The following ANKRD11 variants were observed in gnomAD, a reference collection of about 807,000 sequenced individuals.
ANKRD11 encodes ankyrin repeat domain 11.
Under a neutral mutation model 195.7 loss-of-function variants are expected in ANKRD11, and 17 were observed. The observed-to-expected ratio is 0.09, with a 90% confidence interval of 0.06 to 0.13. The LOEUF is 0.13. Ranked by LOEUF, ANKRD11 falls within the 10% of genes least tolerant of loss-of-function variation. The pLI is 1.00. For missense variants in ANKRD11, 3,735 were observed against 3,566.1 expected, an observed-to-expected ratio of 1.05 and a Z score of -1.21; for synonymous variants, 1,953 against 1,528.1, an observed-to-expected ratio of 1.28 and a Z score of -6.49.
At chr16:89,371,408 G>A (rs778788022) in intron 2 of ANKRD11, among the ~76,000 whole-genome samples, 3 of 152,236 alleles carry the variant, frequency 2.0e-5, no homozygotes, top group African/African-American at 7.2e-5. Flanking sequence ...TCCCTGCACA[G>A]ACAGGTGTCC....
At chr16:89,455,754 G>C (rs962451981) in intron 1 of ANKRD11, among the ~76,000 whole-genome samples, 1 of 152,104 alleles carries the variant, frequency 6.6e-6, no homozygotes, top group African/African-American at 2.4e-5. Context: ...CAAAGAATTG[G>C]GGCTGTACAT....
intron 1 of ANKRD11, among the ~76,000 whole-genome samples, chr16:89,473,055 G>T (rs1406075422): frequency 6.6e-6 from 1 of 152,084 alleles, no homozygotes; most frequent in Non-Finnish European, 1.5e-5. Context: ...GCCAGGTGTG[G>T]TGGTACACAC....
In ANKRD11 at chr16:89,274,910, G is replaced by A. The variant is rs762952786; in HGVS notation, c.7617C>T (p.Cys2539=). 23 of 1,613,492 alleles carry A rather than the reference G, an allele frequency of 1.4e-5. No individual in the cohort carries two copies. The highest frequency in any genetic ancestry group is 6.7e-5 in the Admixed American group (4 of 60,012). The change falls in exon 11 of 13, where the codon TGC becomes TGT. Residue 2539 remains cysteine (C), a synonymous_variant. Coordinates refer to ENST00000301030, the MANE Select transcript of ANKRD11 (RefSeq NM_013275.6). ...GGTTGGCGATGGTCCTGGCCGCCCG[G>A]CAGTGAACCCGCAGAATCTCCTGCT... ...SCEQEILRVH[C]RAARTIANQA...
chr16:89,324,574 G>C lies in ANKRD11; in HGVS notation c.-59-7496C>G, dbSNP rs1269310980. On this transcript the variant is annotated intron_variant, in intron 2 of 12. Transcript: ENST00000301030. ...GGAGAGGCCGACGAACCCTCCATCT[G>C]GGGGGGCATGATCTCATCAGCTGCC... 7 of 452,902 alleles carry C rather than the reference G, an allele frequency of 1.5e-5. No individual in the cohort carries two copies. In the East Asian group the frequency reaches 4.2e-4, roughly 27 times the overall value. 28.1% of individuals were successfully genotyped at this position (452,902 alleles called of 1,614,324 possible).
intron 3 of ANKRD11, among the ~76,000 whole-genome samples, chr16:89,314,544 T>C (rs1007755166): frequency 2.0e-5 from 3 of 152,088 alleles, no homozygotes; most frequent in African/African-American, 7.2e-5. Flanking sequence ...TTCCGGCCTT[T>C]CTCGTCTCGT....
chr16:89,408,860 G>C (rs2042009422), intron 2 of ANKRD11, among the ~76,000 whole-genome samples: 1 of 152,214 alleles, frequency 6.6e-6, no homozygotes, highest in South Asian at 2.1e-4. Flanking sequence ...AGGAAAAAAA[G>C]AGAACATAAG....
At position 89,291,170 on chromosome 16, in the gene ANKRD11, AG is replaced by A; in HGVS notation, c.239del (p.Pro80LeufsTer44). Reference sequence around the variant, plus strand: ...GCTCCTTCTTAATCCTCTTCCGCTCAGGGCCCTGCTTCTCTGTGAGGCGGGC... The same window carrying A: ...GCTCCTTCTTAATCCTCTTCCGCTCAGGCCCTGCTTCTCTGTGAGGCGGGC... Reference protein sequence around the residue: ...QKDSDTEKQGPERKRIKKEPV... With the variant: ...QKDSDTEKQGXERKRIKKEPV... On this transcript the variant is annotated frameshift_variant, in exon 5 of 13. Transcript: ENST00000301030. LOFTEE classifies it high-confidence loss of function. This position sits in a 1 kb window ranked among gnomAD's most constrained non-coding sequence, Gnocchi z 5.3. 6.2e-7 allele frequency: 1 copy of A among 1,613,718 alleles called. No homozygotes were observed.
At chr16:89,334,522 G>A (rs986150037) in intron 2 of ANKRD11, among the ~76,000 whole-genome samples, 8 of 152,078 alleles carry the variant, frequency 5.3e-5, no homozygotes, top group Non-Finnish European at 8.8e-5. Context: ...GCAAAGTGAC[G>A]AGAAAACACC....
intron 4 of ANKRD11, among the ~76,000 whole-genome samples, chr16:89,303,764 C>A (rs965330476): frequency 3.3e-5 from 5 of 152,254 alleles, no homozygotes; most frequent in African/African-American, 1.2e-4. Context: ...GCCACACAAT[C>A]ATAAAGGCTG....
intron 2 of ANKRD11, 121 bp downstream of exon 2, chr16:89,418,163 T>G (rs1336807602): frequency 2.4e-6 from 1 of 410,980 alleles, no homozygotes; most frequent in Non-Finnish European, 5.0e-6. Flanking sequence ...TTCACAACAT[T>G]TCGACAAAAC....
At chr16:89,367,283 C>A (rs541345566) in intron 2 of ANKRD11, among the ~76,000 whole-genome samples, 1 of 152,196 alleles carries the variant, frequency 6.6e-6, no homozygotes, top group Non-Finnish European at 1.5e-5. Flanking sequence ...AGACTCCTGC[C>A]GCAGGGGCCA....
intron 4 of ANKRD11, chr16:89,301,049 G>A (rs746271383): frequency 3.5e-6 from 2 of 568,200 alleles, no homozygotes; most frequent in South Asian, 2.1e-5. Context: ...CCCCAGGGAG[G>A]CCAGGCAATG....
chr16:89,306,597 C>T (rs2036267133), intron 3 of ANKRD11, among the ~76,000 whole-genome samples: 1 of 103,724 alleles, frequency 9.6e-6, no homozygotes. Context: ...AGACACGCGC[C>T]ACCTCCCACT....
At chr16:89,482,046 C>T (rs2057461733) in intron 1 of ANKRD11, among the ~76,000 whole-genome samples, 1 of 152,142 alleles carries the variant, frequency 6.6e-6, no homozygotes, top group African/African-American at 2.4e-5. Flanking sequence ...CAACTAAATG[C>T]ATCTTTCTCC....
intron 2 of ANKRD11, among the ~76,000 whole-genome samples, chr16:89,409,850 A>T (rs552893572): frequency 1.1e-4 from 16 of 151,854 alleles, no homozygotes; most frequent in South Asian, 2.1e-4. Flanking sequence ...TTATTTATTT[A>T]TTTTTTGAGA....
chr16:89,380,117 G>T (rs753853), intron 2 of ANKRD11, among the ~76,000 whole-genome samples: 82,623 of 151,836 alleles, frequency 0.54, 22,724 homozygotes, highest in Middle Eastern at 0.75. Context: ...AATGATGCCT[G>T]TTTTTTTCTT....
chr16:89,346,736 T>C (rs1022186616), intron 2 of ANKRD11, among the ~76,000 whole-genome samples: 1 of 152,106 alleles, frequency 6.6e-6, no homozygotes, highest in Non-Finnish European at 1.5e-5. Context: ...GGTAAAGTGG[T>C]TGTTAGAGGG....
chr16:89,385,721 C>T (rs2040877916), intron 2 of ANKRD11, among the ~76,000 whole-genome samples: 1 of 152,260 alleles, frequency 6.6e-6, no homozygotes, highest in African/African-American at 2.4e-5. Context: ...GCAAAGAAAA[C>T]CCCACTCAGC....
In ANKRD11 at chr16:89,284,362, T is replaced by A. The variant is rs1239243363; in HGVS notation, c.2180A>T (p.Asp727Val). 6.2e-7 allele frequency: 1 copy of A among 1,613,802 alleles called. No homozygotes were observed. The highest frequency in any genetic ancestry group is 1.3e-5 in the African/African-American group (1 of 74,940). Residue 727 changes from aspartate to valine, a missense_variant, in exon 9 of 13, where the codon GAC becomes GTC. Transcript: ENST00000301030. Reference sequence around the variant, plus strand: ...CTCTTCTCGGAAAGACCTGCTGATGTCTTTGTTTGTGTCTTTGATTCTCTT... The same window carrying A: ...CTCTTCTCGGAAAGACCTGCTGATGACTTTGTTTGTGTCTTTGATTCTCTT... ...SLKRIKDTNK[D>V]ISRSFREEKD...
Sources: gnomAD v4.1 joint callset for allele counts (sites outside exome capture counted in the v4.1 genomes callset) on GRCh38, gnomAD v4.1.1 for gene constraint, Gnocchi (gnomAD v3.1) non-coding constraint, MANE v1.5 for transcripts, NCBI Gene and HGNC (gene_info 2026-07-23, HGNC 2026-07-21) for gene names.